LIMK2: variants seen among roughly 807,000 people sequenced by gnomAD.
LIMK2 encodes LIM domain kinase 2.
A neutral mutation model predicts 75.7 loss-of-function variants in LIMK2; 35 were observed. That is an observed-to-expected ratio of 0.46 (90% CI 0.35 to 0.61). LIMK2 has a LOEUF of 0.61. Ranked by LOEUF, LIMK2 falls within the 20% of genes least tolerant of loss-of-function variation. The probability of loss-of-function intolerance (pLI) is 0.00; values close to 1 mark genes in which losing one functional copy is unlikely to be tolerated. For synonymous variants in LIMK2, 301 were observed against 319.2 expected (o/e 0.94, Z 0.61); for missense variants, 623 against 831.0 (o/e 0.75, Z 3.08).
intron 2 of LIMK2, among the ~76,000 whole-genome samples, chr22:31,246,772 CA>C (rs74782124): frequency 1.0e-3 from 121 of 120,204 alleles, no homozygotes; most frequent in South Asian, 0.01. Context: ...AAAAAAAAAA[CA>C]AAAAAAAAAA....
At chr22:31,244,388 G>T (rs1216759603) in intron 2 of LIMK2, among the ~76,000 whole-genome samples, 1 of 152,164 alleles carries the variant, frequency 6.6e-6, no homozygotes, top group Non-Finnish European at 1.5e-5. Flanking sequence ...AATTACAGGG[G>T]AACATAATAG....
At chr22:31,271,065 G>GCATA (rs1292904786) in intron 11 of LIMK2, 71 bp from the exon 12 acceptor site, 2 of 1,403,980 alleles carry the variant, frequency 1.4e-6, no homozygotes, top group Admixed American at 1.7e-5. Flanking sequence ...AGCATCTATG[G>GCATA]CGCCCAATTC....
intron 1 of LIMK2, among the ~76,000 whole-genome samples, chr22:31,221,774 C>T (rs2048436740): frequency 6.6e-6 from 1 of 152,046 alleles, no homozygotes; most frequent in South Asian, 2.1e-4. Flanking sequence ...TGAGCCACTG[C>T]GCCCGGCCCT....
intron 2 of LIMK2, among the ~76,000 whole-genome samples, chr22:31,245,812 G>A (rs1322486302): frequency 6.6e-6 from 1 of 152,048 alleles, no homozygotes; most frequent in Non-Finnish European, 1.5e-5. Flanking sequence ...GAAATTACAT[G>A]AAACTCAAAT....
At chr22:31,264,834 G>A (rs894786434) in intron 7 of LIMK2, among the ~76,000 whole-genome samples, 1 of 151,414 alleles carries the variant, frequency 6.6e-6, no homozygotes, top group Non-Finnish European at 1.5e-5. Flanking sequence ...CGAGGTGGGC[G>A]AATCACAAGG....
At chr22:31,260,748 T>A (rs2048829968) in intron 5 of LIMK2, among the ~76,000 whole-genome samples, 1 of 152,236 alleles carries the variant, frequency 6.6e-6, no homozygotes, top group Admixed American at 6.5e-5. Context: ...AGGTCTGTTC[T>A]ACAACCTTAT....
intron 1 of LIMK2, among the ~76,000 whole-genome samples, chr22:31,217,625 C>G (rs921270663): frequency 6.6e-6 from 1 of 152,174 alleles, no homozygotes; most frequent in Non-Finnish European, 1.5e-5. Flanking sequence ...TCATTGACAA[C>G]TGGCAGAGAA....
chr22:31,258,344 A>G lies in LIMK2; in HGVS notation c.170A>G (p.Lys57Arg). ...AACTGGTACTATGAGAAGGATGGGA[A>G]GCTCTACTGCCCCAAGGACTACTGG... ...LTNWYYEKDG[K>R]LYCPKDYWGK... Residue 57 changes from lysine (K) to arginine (R), a missense_variant, in exon 3 of 16, where the codon AAG becomes AGG. Transcript: ENST00000331728. 6.2e-7 allele frequency: 1 copy of G among 1,613,726 alleles called. No homozygotes were observed. The highest frequency in any genetic ancestry group is 8.5e-7 in the Non-Finnish European group (1 of 1,179,708).
intron 2 of LIMK2, among the ~76,000 whole-genome samples, chr22:31,247,132 T>C (rs1262477908): frequency 1.3e-5 from 2 of 152,212 alleles, no homozygotes; most frequent in Non-Finnish European, 2.9e-5. Flanking sequence ...GCACGGTGAC[T>C]TCTGGCTCTT....
intron 2 of LIMK2, among the ~76,000 whole-genome samples, chr22:31,238,544 G>A (rs1294855668): frequency 6.6e-6 from 1 of 152,084 alleles, no homozygotes; most frequent in African/African-American, 2.4e-5. Context: ...ACATTAGGAA[G>A]GTCAAAAACC....
intron 1 of LIMK2, among the ~76,000 whole-genome samples, chr22:31,222,412 C>T (rs183122606): frequency 3.6e-5 from 4 of 112,496 alleles, no homozygotes; most frequent in South Asian, 3.3e-4. Context: ...GACAGAGTCT[C>T]GCTCTGTTGC....
chr22:31,243,375 C>CAAATCACT (rs2048640054), intron 2 of LIMK2, among the ~76,000 whole-genome samples: 1 of 152,202 alleles, frequency 6.6e-6, no homozygotes. Flanking sequence ...AATTCTCTTC[C>CAAATCACT]TTGATTGGAG....
chr22:31,232,246 C>T (rs2048535538), intron 2 of LIMK2, among the ~76,000 whole-genome samples: 1 of 127,266 alleles, frequency 7.9e-6, no homozygotes, highest in African/African-American at 2.7e-5. Flanking sequence ...CACTAGGACT[C>T]CCAGGAGAAA....
chr22:31,255,316 AG>A (rs1281818139), intron 2 of LIMK2, among the ~76,000 whole-genome samples: 3 of 152,176 alleles, frequency 2.0e-5, no homozygotes, highest in Non-Finnish European at 2.9e-5. Context: ...CCACATACCA[AG>A]AACAGTCTTC....
intron 11 of LIMK2, among the ~76,000 whole-genome samples, chr22:31,270,261 T>C (rs2048942248): frequency 6.6e-6 from 1 of 151,856 alleles, no homozygotes; most frequent in African/African-American, 2.4e-5. Context: ...GAAGAGGAGA[T>C]GGCTTTGAGC....
At chr22:31,277,335 G>C in intron 15 of LIMK2, 1 of 1,416,008 alleles carries the variant, frequency 7.1e-7, no homozygotes, top group Non-Finnish European at 9.2e-7. Context: ...TTATTAAACT[G>C]ATGGGACTTT....
At chr22:31,212,797 G>C (rs2048358793) in intron 1 of LIMK2, among the ~76,000 whole-genome samples, 1 of 152,074 alleles carries the variant, frequency 6.6e-6, no homozygotes, top group South Asian at 2.1e-4. Context: ...GAAAAGCATG[G>C]GGTTCTCTTA....
chr22:31,269,324 C>T (rs2048932350), intron 11 of LIMK2, among the ~76,000 whole-genome samples: 2 of 121,752 alleles, frequency 1.6e-5, no homozygotes, highest in Admixed American at 9.5e-5. Flanking sequence ...GACAGGTTCT[C>T]ACTTTGTTGC....
chr22:31,268,022 A>G, intron 10 of LIMK2, 115 bp downstream of exon 10: 1 of 1,539,956 alleles, frequency 6.5e-7, no homozygotes, highest in Non-Finnish European at 9.0e-7. Context: ...CCAAAGGACC[A>G]TGCTGGGTGG....
Sources: allele counts gnomAD v4.1 joint callset (sites outside exome capture counted in the v4.1 genomes callset), GRCh38; gene constraint gnomAD v4.1.1; transcripts MANE v1.5; gene names NCBI Gene and HGNC (gene_info 2026-07-23, HGNC 2026-07-21).